Variants in HFM1 observed in about 807,000 individuals in gnomAD.
HFM1 encodes probable ATP-dependent DNA helicase HFM1.
Under a neutral mutation model 192.1 loss-of-function variants are expected in HFM1, and 169 were observed. The observed-to-expected ratio is 0.88, with a 90% CI of 0.78 to 1.00. The LOEUF (loss-of-function observed/expected upper bound fraction) is 1.00, where lower values mean the gene tolerates loss of function less well. HFM1 is among the 50% of genes least tolerant of loss of function. HFM1 has a pLI of 0.00. For synonymous variants in HFM1, 525 were observed against 537.8 expected (o/e 0.98, Z 0.33); for missense variants, 1,661 against 1,668.0 (o/e 1.00, Z 0.07).
intron 30 of HFM1, among the ~76,000 whole-genome samples, chr1:91,309,969 G>A (rs1650194049): frequency 6.6e-6 from 1 of 151,752 alleles, no homozygotes; most frequent in African/African-American, 2.4e-5. Context: ...GGTTTATTAT[G>A]TTTGGGACTG....
rs538970152 is a variant in HFM1, at chr1:91,313,163, T to C, written c.3391+186A>G. 3.3e-5 allele frequency among the ~76,000 whole-genome samples: 5 copies of C among 152,292 alleles called. No individual in the cohort carries two copies. In the East Asian group the frequency reaches 9.7e-4, roughly 29 times the overall value. On this transcript the variant is annotated intron_variant, in intron 30 of 38. Coordinates refer to ENST00000370425, the MANE Select transcript of HFM1 (RefSeq NM_001017975.6). ...ATAAAAAAATTTGTCCCCCAACCAT[T>C]ACCCCAATTTGACAAATACTAACTT...
chr1:91,388,082 G>C (rs1054399859), intron 4 of HFM1, among the ~76,000 whole-genome samples: 9 of 152,034 alleles, frequency 5.9e-5, no homozygotes, highest in African/African-American at 2.2e-4. Flanking sequence ...GAAGTTATGG[G>C]AACTCTGCAC....
chr1:91,264,359 G>GTTTTTGTTTT (rs1466938761), intron 36 of HFM1, among the ~76,000 whole-genome samples: 1 of 54,042 alleles, frequency 1.9e-5, no homozygotes. Context: ...CACAAATTTA[G>GTTTTTGTTTT]TATTTTTTTT....
intron 8 of HFM1, among the ~76,000 whole-genome samples, chr1:91,379,642 G>C (rs1413498675): frequency 6.8e-6 from 1 of 147,000 alleles, no homozygotes; most frequent in African/African-American, 2.6e-5. Flanking sequence ...ACTAAAAATA[G>C]AAATAGAAAT....
At chr1:91,400,441 C>A (rs1266741653) in intron 2 of HFM1, among the ~76,000 whole-genome samples, 2 of 151,994 alleles carry the variant, frequency 1.3e-5, no homozygotes, top group East Asian at 3.9e-4. Context: ...TCTGAACAAA[C>A]CAGAAATACA....
intron 30 of HFM1, among the ~76,000 whole-genome samples, chr1:91,292,335 T>A (rs187424746): frequency 0.76 from 428 of 562 alleles, 211 homozygotes; most frequent in Non-Finnish European, 1. Flanking sequence ...CCTTAAGTTG[T>A]TAAGCAACTT....
intron 36 of HFM1, among the ~76,000 whole-genome samples, chr1:91,263,280 C>T (rs2100663362): frequency 6.6e-6 from 1 of 152,170 alleles, no homozygotes; most frequent in Admixed American, 6.5e-5. Flanking sequence ...ATGAGGTAAC[C>T]ATTTAAGTTG....
intron 2 of HFM1, among the ~76,000 whole-genome samples, chr1:91,398,780 C>A (rs993267135): frequency 2.0e-5 from 3 of 152,054 alleles, no homozygotes; most frequent in African/African-American, 7.2e-5. Flanking sequence ...ACAACCTCCA[C>A]CTCCTGGGTT....
At position 91,380,942 on chromosome 1, in the gene HFM1, G is replaced by C. The variant is rs764580625; in HGVS notation, c.843C>G (p.Phe281Leu). ...CAAAGGCCTTGGACTGTATATAGTTGAAATATGGAAATTCTTTGAAAATAC... is the reference window on the plus strand; with the variant it reads ...CAAAGGCCTTGGACTGTATATAGTTCAAATATGGAAATTCTTTGAAAATAC... ...FRSIFKEFPY[F>L]NYIQSKAFDD... Residue 281 changes from phenylalanine (F) to leucine (L), a missense_variant, in exon 7 of 39, where the codon TTC becomes TTG. Transcript: ENST00000370425. The C allele has an allele frequency of 2.1e-5, 31 of 1,459,390 alleles. No homozygotes were observed. The South Asian group carries it at 3.5e-4, about 16-fold the overall frequency. 90.4% of individuals were successfully genotyped at this position (1,459,390 alleles called of 1,614,324 possible). A position where few individuals can be genotyped will look rare whatever the true frequency, so the allele number is the denominator to read the frequency against.
intron 3 of HFM1, among the ~76,000 whole-genome samples, chr1:91,395,593 C>G (rs946801050): frequency 6.6e-6 from 1 of 151,958 alleles, no homozygotes; most frequent in Non-Finnish European, 1.5e-5. Context: ...GCTGGGACTA[C>G]AGGTGTCAAC....
chr1:91,273,630 C>T (rs192256141), intron 34 of HFM1, 82 bp downstream of exon 34: 218 of 647,996 alleles, frequency 3.4e-4, no homozygotes, highest in Non-Finnish European at 5.3e-4. Flanking sequence ...TTTCAGATGC[C>T]GGTGTTTCAA....
intron 30 of HFM1, among the ~76,000 whole-genome samples, chr1:91,297,260 G>C (rs558675773): frequency 1.3e-5 from 2 of 152,354 alleles, no homozygotes; most frequent in African/African-American, 4.8e-5. Flanking sequence ...ACCCGCCATT[G>C]CCGACGCTTG....
chr1:91,289,373 C>T (rs1351724577), intron 30 of HFM1, among the ~76,000 whole-genome samples: 1 of 150,352 alleles, frequency 6.7e-6, no homozygotes. Flanking sequence ...TCCTCACTTC[C>T]CAGACTGGGC....
At chr1:91,352,469 G>T in intron 16 of HFM1, 37 bp downstream of exon 16, 1 of 1,496,758 alleles carries the variant, frequency 6.7e-7, no homozygotes. Context: ...TTTTTATCAT[G>T]TTTTTAAGTA....
In HFM1 at chr1:91,313,514, G is replaced by A. The variant is rs1157519426; in HGVS notation, c.3245-19C>T. ...AGCCCAACTGGAAAATGAAAAAAAA[G>A]TACACAAATGTTTATTTGTCATATA... is the stretch of plus-strand genomic sequence containing the variant. On this transcript the variant is annotated intron_variant, in intron 29 of 38. Transcript: ENST00000370425. 1.3e-6 allele frequency: 2 copies of A among 1,524,406 alleles called. No homozygotes were observed. Among genetic ancestry groups the A allele is most frequent in the East Asian group, 2.3e-5 (1 of 43,310 alleles). 94.4% of individuals were successfully genotyped at this position (1,524,406 alleles called of 1,614,324 possible).
intron 5 of HFM1, 64 bp from the exon 6 acceptor site, chr1:91,385,298 A>C: frequency 1.0e-6 from 1 of 964,342 alleles, no homozygotes; most frequent in Non-Finnish European, 1.6e-6. Context: ...AGAAGCTAGG[A>C]CCTGAAATGA....
In HFM1 at chr1:91,324,747, A is replaced by G; in HGVS notation, c.2355T>C (p.Ala785=). The G allele has an allele frequency of 6.4e-7, 1 of 1,568,846 alleles. No individual in the cohort carries two copies. Among genetic ancestry groups the G allele is most frequent in the Non-Finnish European group, 8.8e-7 (1 of 1,139,206 alleles). The change falls in exon 21 of 39, where the codon GCT becomes GCC. Residue 785 remains alanine, a synonymous_variant. Transcript: ENST00000370425. Reference sequence around the variant, plus strand: ...CTGTCTCAAATGTAATATAATACCAAGCCATCAATCTTCCTGCTTCTGTAA... The same window carrying G: ...CTGTCTCAAATGTAATATAATACCAGGCCATCAATCTTCCTGCTTCTGTAA... ...FKPTEAGRLM[A]WYYITFETVK...
At chr1:91,356,907 A>G (rs1657820555) in intron 13 of HFM1, among the ~76,000 whole-genome samples, 1 of 152,174 alleles carries the variant, frequency 6.6e-6, no homozygotes, top group African/African-American at 2.4e-5. Context: ...TGAATCAGGA[A>G]GAAATAGAAA....
chr1:91,372,490 A>G (rs2101936765), intron 13 of HFM1, among the ~76,000 whole-genome samples: 1 of 152,314 alleles, frequency 6.6e-6, no homozygotes, highest in South Asian at 2.1e-4. Flanking sequence ...CGCAAGGACA[A>G]AAAACCAAAC....
Sources: allele counts gnomAD v4.1 joint callset (sites outside exome capture counted in the v4.1 genomes callset), GRCh38; gene constraint gnomAD v4.1.1; transcripts MANE v1.5; gene names NCBI Gene and HGNC (gene_info 2026-07-23, HGNC 2026-07-21).